NTRK3: variants seen among roughly 807,000 people sequenced by gnomAD.
NTRK3 encodes the protein NT-3 growth factor receptor.
A neutral mutation model predicts 91.7 loss-of-function variants in NTRK3; 24 were observed. The ratio of observed to expected loss-of-function variants is 0.26; its 90% CI spans 0.19 to 0.37. The LOEUF is 0.37. Among genes scored for constraint, NTRK3 ranks in the 10% least tolerant of loss-of-function variants. NTRK3 has a pLI of 1.00. For missense variants in NTRK3, 880 were observed against 1,068.9 expected (o/e 0.82, Z 2.46); for synonymous variants, 483 against 404.0 (o/e 1.20, Z -2.34).
intron 14 of NTRK3, among the ~76,000 whole-genome samples, chr15:87,943,055 C>T (rs1046862551): frequency 3.3e-5 from 5 of 151,910 alleles, no homozygotes; most frequent in African/African-American, 4.8e-5. Context: ...CTTGAGAATG[C>T]GTCAAAATCA....
At chr15:87,889,529 T>C (rs1172691878) in intron 17 of NTRK3, among the ~76,000 whole-genome samples, 1 of 150,668 alleles carries the variant, frequency 6.6e-6, no homozygotes, top group East Asian at 2.0e-4. Flanking sequence ...TTCTGCCTCC[T>C]GAGTTGCTGG....
rs142296704 is a variant in NTRK3, at chr15:88,223,223, T to C, written c.248+32683A>G. 2.0e-3 allele frequency among the ~76,000 whole-genome samples: 301 copies of C among 152,336 alleles called. 2 individuals carry two copies. The highest frequency in any genetic ancestry group is 6.9e-3 in the African/African-American group (286 of 41,586). On this transcript the variant is annotated intron_variant, in intron 3 of 18. Transcript: ENST00000394480. ...CTGCTTCCAAATCAGCCGAGTGGAA[T>C]GTCCTTGACCAGCCGGCCAGGGCAA...
At chr15:87,970,582 T>C (rs951058268) in intron 14 of NTRK3, among the ~76,000 whole-genome samples, 9 of 152,226 alleles carry the variant, frequency 5.9e-5, no homozygotes, top group Admixed American at 4.6e-4. Flanking sequence ...TGTGTTTAAT[T>C]AGAATTGGAA....
At chr15:88,022,546 A>T (rs558108452) in intron 14 of NTRK3, among the ~76,000 whole-genome samples, 5 of 152,124 alleles carry the variant, frequency 3.3e-5, no homozygotes, top group African/African-American at 1.2e-4. Context: ...TAATCCTCTT[A>T]CTCCTTGAAG....
intron 3 of NTRK3, among the ~76,000 whole-genome samples, chr15:88,218,418 C>G (rs1033105615): frequency 1.1e-4 from 17 of 152,184 alleles, no homozygotes; most frequent in Non-Finnish European, 2.9e-5. Flanking sequence ...TTACTGTGAC[C>G]CAGCACAGCT....
chr15:88,242,537 A>T (rs2052452622), intron 3 of NTRK3, among the ~76,000 whole-genome samples: 1 of 152,184 alleles, frequency 6.6e-6, no homozygotes, highest in Admixed American at 6.5e-5. Flanking sequence ...GCTGTAGATC[A>T]TTTGTCTAAT....
chr15:88,041,090 G>T (rs1259859443), intron 13 of NTRK3, among the ~76,000 whole-genome samples: 1 of 152,172 alleles, frequency 6.6e-6, no homozygotes, highest in Non-Finnish European at 1.5e-5. Context: ...AGAGTGCTTG[G>T]TGTGAATACA....
intron 10 of NTRK3, among the ~76,000 whole-genome samples, 186 bp from the exon 11 acceptor site, chr15:88,128,920 T>A (rs1386449800): frequency 6.6e-6 from 1 of 152,140 alleles, no homozygotes; most frequent in African/African-American, 2.4e-5. Context: ...TAGGGGGTGG[T>A]CCTCCAAATG....
exon 19 of NTRK3, chr15:87,876,804 G>A: frequency 9.3e-7 from 1 of 1,069,756 alleles, no homozygotes; most frequent in Non-Finnish European, 1.4e-6. Context: ...TGTTGTATGT[G>A]TAGCAGGCAC....
At chr15:88,027,336 G>C (rs2078120336) in intron 14 of NTRK3, among the ~76,000 whole-genome samples, 1 of 152,132 alleles carries the variant, frequency 6.6e-6, no homozygotes, top group African/African-American at 2.4e-5. Context: ...CTCTAAAGAG[G>C]CTGTTGATAC....
At chr15:87,985,704 T>C (rs938341300) in intron 14 of NTRK3, among the ~76,000 whole-genome samples, 4 of 152,144 alleles carry the variant, frequency 2.6e-5, no homozygotes, top group Admixed American at 6.5e-5. Flanking sequence ...GCTCATGGCG[T>C]CATGCCCACA....
At chr15:87,862,348 C>A (rs1008673574) in exon 19 of NTRK3, 5 of 225,228 alleles carry the variant, frequency 2.2e-5, no homozygotes, top group Non-Finnish European at 3.5e-5. Context: ...CTAAAAGAAA[C>A]CCCTTATTTT....
chr15:88,185,754 C>G (rs559723026), intron 3 of NTRK3, among the ~76,000 whole-genome samples: 2 of 152,350 alleles, frequency 1.3e-5, no homozygotes, highest in Non-Finnish European at 2.9e-5. Flanking sequence ...AGCACCACCA[C>G]ACCCGTAGCT....
chr15:88,111,165 G>T (rs1051351579), intron 13 of NTRK3, among the ~76,000 whole-genome samples: 2 of 152,192 alleles, frequency 1.3e-5, no homozygotes, highest in African/African-American at 4.8e-5. Flanking sequence ...AATGGCTGAG[G>T]CATCTATCCA....
intron 3 of NTRK3, among the ~76,000 whole-genome samples, chr15:88,248,283 G>C (rs978517358): frequency 6.6e-6 from 1 of 152,150 alleles, no homozygotes; most frequent in South Asian, 2.1e-4. Context: ...TCCCTGTTGG[G>C]AACAGGTCAG....
chr15:88,063,246 A>G (rs1185345800), intron 13 of NTRK3, among the ~76,000 whole-genome samples: 2 of 152,234 alleles, frequency 1.3e-5, no homozygotes, highest in African/African-American at 2.4e-5. Context: ...TGACGATGAC[A>G]AGGATGAAGA....
chr15:87,912,664 G>C (rs1481743073), intron 17 of NTRK3, among the ~76,000 whole-genome samples: 1 of 151,898 alleles, frequency 6.6e-6, no homozygotes, highest in Non-Finnish European at 1.5e-5. Flanking sequence ...GTATTCACCT[G>C]TCAAATAAGT....
At chr15:87,911,182 C>T (rs116409921) in intron 17 of NTRK3, among the ~76,000 whole-genome samples, 3,675 of 152,004 alleles carry the variant, frequency 0.024, 162 homozygotes, top group African/African-American at 0.084. Flanking sequence ...GAGGTATGAG[C>T]GAAGTGGGAA....
At chr15:87,884,757 CA>C (rs2065441905) in intron 17 of NTRK3, among the ~76,000 whole-genome samples, 1 of 151,620 alleles carries the variant, frequency 6.6e-6, no homozygotes, top group South Asian at 2.1e-4. Flanking sequence ...ACCATATTTT[CA>C]AAAATGCCAA....
Sources: allele counts gnomAD v4.1 joint callset (sites outside exome capture counted in the v4.1 genomes callset), GRCh38; gene constraint gnomAD v4.1.1; transcripts MANE v1.5; gene names NCBI Gene and HGNC (gene_info 2026-07-23, HGNC 2026-07-21).